Variants in GDAP1 observed in about 807,000 individuals in gnomAD.
GDAP1 encodes the protein ganglioside-induced differentiation-associated protein 1.
Under a neutral mutation model 40.1 loss-of-function variants are expected in GDAP1, and 34 were observed. The observed-to-expected ratio is 0.85, with a 90% CI of 0.64 to 1.13. GDAP1 has a LOEUF of 1.13. GDAP1 is among the 50% of genes most tolerant of loss of function. The pLI is 0.00. For missense variants in GDAP1, 374 were observed against 433.7 expected (o/e 0.86, Z 1.22); for synonymous variants, 170 against 157.4 (o/e 1.08, Z -0.60).
intron 2 of GDAP1, among the ~76,000 whole-genome samples, chr8:74,422,280 T>TTC: frequency 2.7e-5 from 4 of 145,496 alleles, no homozygotes; most frequent in South Asian, 2.2e-4. Context: ...TTCTTTTCTT[T>TTC]TTTCTTTTCT....
At chr8:74,381,098 CTGTG>C (rs1189829751) in intron 2 of GDAP1, among the ~76,000 whole-genome samples, 1 of 113,274 alleles carries the variant, frequency 8.8e-6, no homozygotes, top group African/African-American at 3.4e-5. Flanking sequence ...GTGTGTGTGT[CTGTG>C]TGTGTGGTGA....
chr8:74,457,436 A>T (rs1397481187), intron 2 of GDAP1, among the ~76,000 whole-genome samples: 1 of 152,042 alleles, frequency 6.6e-6, no homozygotes, highest in African/African-American at 2.4e-5. Flanking sequence ...TTGAATTTTG[A>T]ACTAAAATTC....
intron 2 of GDAP1, among the ~76,000 whole-genome samples, chr8:74,436,614 G>A (rs1208839852): frequency 6.6e-6 from 1 of 151,788 alleles, no homozygotes; most frequent in Non-Finnish European, 1.5e-5. Context: ...GTAGAGATGG[G>A]TTTCATCATG....
chr8:74,429,300 TA>T (rs1302414765), intron 2 of GDAP1, among the ~76,000 whole-genome samples: 3 of 151,872 alleles, frequency 2.0e-5, no homozygotes, highest in Non-Finnish European at 4.4e-5. Flanking sequence ...TAAAGTATAA[TA>T]AAAAATATAT....
chr8:74,423,229 AATATG>A (rs1280748014), intron 2 of GDAP1, among the ~76,000 whole-genome samples: 3 of 147,072 alleles, frequency 2.0e-5, no homozygotes, highest in East Asian at 1.9e-4. Flanking sequence ...TACTATATAT[AATATG>A]ATATGTATAC....
intron 2 of GDAP1, among the ~76,000 whole-genome samples, chr8:74,406,134 A>G (rs1166732471): frequency 6.7e-6 from 1 of 150,332 alleles, no homozygotes; most frequent in Admixed American, 6.6e-5. Context: ...ATCATCTAAG[A>G]TACTCACCTG....
Position 74,361,392 on chromosome 8 carries a change from GT to G in GDAP1, c.485-485del, listed in dbSNP as rs933281891. On this transcript the variant is annotated intron_variant, in intron 3 of 5. Transcript: ENST00000220822. ...TTAGTCTTCATGGCAGATATTCTTTGTTTTTTTCTTTTCTTTTTTTTTTTGG... is the reference window on the plus strand; with the variant it reads ...TTAGTCTTCATGGCAGATATTCTTTGTTTTTTCTTTTCTTTTTTTTTTTGG... 5.4e-4 allele frequency among the ~76,000 whole-genome samples: 82 copies of G among 151,386 alleles called. 1 individual carries two copies. Among genetic ancestry groups the G allele is most frequent in the Non-Finnish European group, 9.9e-4 (67 of 67,772 alleles).
At chr8:74,483,548 G>A (rs184472286) in intron 2 of GDAP1, among the ~76,000 whole-genome samples, 19 of 152,170 alleles carry the variant, frequency 1.2e-4, no homozygotes, top group Admixed American at 1.0e-3. Context: ...GCATTGGCAC[G>A]CATTTCAAAG....
At chr8:74,471,318 A>G (rs1291132366) in intron 2 of GDAP1, among the ~76,000 whole-genome samples, 1 of 151,924 alleles carries the variant, frequency 6.6e-6, no homozygotes, top group African/African-American at 2.4e-5. Flanking sequence ...CTTTTAAAAT[A>G]ATTTTATTTA....
chr8:74,477,123 T>G (rs1806639792), intron 2 of GDAP1, among the ~76,000 whole-genome samples: 1 of 152,204 alleles, frequency 6.6e-6, no homozygotes, highest in Admixed American at 6.5e-5. Context: ...AGTGTGTTTT[T>G]CAGCTCTATC....
intron 2 of GDAP1, among the ~76,000 whole-genome samples, chr8:74,411,719 C>CAA (rs34098737): frequency 0.055 from 7,702 of 138,980 alleles, 1,320 homozygotes; most frequent in African/African-American, 0.2. Flanking sequence ...GTGTCTCTAC[C>CAA]AAAAAAAAAA....
chr8:74,419,678 T>C (rs577083673), intron 2 of GDAP1, among the ~76,000 whole-genome samples: 1 of 152,266 alleles, frequency 6.6e-6, no homozygotes, highest in East Asian at 1.9e-4. Flanking sequence ...GACATTATAT[T>C]TATTTTTTCT....
At chr8:74,441,391 C>G (rs1806161016) in intron 2 of GDAP1, among the ~76,000 whole-genome samples, 1 of 152,110 alleles carries the variant, frequency 6.6e-6, no homozygotes, top group African/African-American at 2.4e-5. Flanking sequence ...ATAGATTTAG[C>G]AGCTAATAAG....
chr8:74,435,075 T>G (rs954424623), intron 2 of GDAP1, among the ~76,000 whole-genome samples: 5 of 152,206 alleles, frequency 3.3e-5, no homozygotes, highest in African/African-American at 1.2e-4. Context: ...TCTACTAACA[T>G]GAAAGTAATT....
chr8:74,355,135 CTGA>C (rs1809038797), intron 2 of GDAP1, among the ~76,000 whole-genome samples: 1 of 152,062 alleles, frequency 6.6e-6, no homozygotes, highest in South Asian at 2.1e-4. Context: ...AAGTCATAGC[CTGA>C]AATAGTGAAT....
At chr8:74,447,314 T>G (rs774045319) in intron 2 of GDAP1, among the ~76,000 whole-genome samples, 3 of 152,098 alleles carry the variant, frequency 2.0e-5, no homozygotes, top group African/African-American at 4.8e-5. Flanking sequence ...GAAATTGCTG[T>G]GAAGTTGGTA....
intron 2 of GDAP1, among the ~76,000 whole-genome samples, chr8:74,465,154 A>C (rs897094357): frequency 2.0e-5 from 3 of 152,108 alleles, no homozygotes; most frequent in African/African-American, 4.8e-5. Flanking sequence ...CGGGAGACGG[A>C]GGTTGCAGTG....
chr8:74,485,600 T>C (rs6472855), intron 2 of GDAP1, among the ~76,000 whole-genome samples: 125,439 of 152,080 alleles, frequency 0.82, 52,240 homozygotes, highest in African/African-American at 0.94. Flanking sequence ...GTTATGTTAT[T>C]ATTCGGGAGA....
chr8:74,369,716 CA>C (rs1225411112), downstream of GDAP1, among the ~76,000 whole-genome samples: 1 of 151,974 alleles, frequency 6.6e-6, no homozygotes, highest in Non-Finnish European at 1.5e-5. Context: ...CCAAGAAAAT[CA>C]CTGAACTCAG....
Sources: allele counts gnomAD v4.1 joint callset (sites outside exome capture counted in the v4.1 genomes callset), GRCh38; gene constraint gnomAD v4.1.1; transcripts MANE v1.5; gene names NCBI Gene and HGNC (gene_info 2026-07-23, HGNC 2026-07-21).